Variants in ZNF521 observed in about 807,000 individuals in gnomAD.
ZNF521 encodes LYST-interacting protein 3.
Under a neutral mutation model 105.5 loss-of-function variants are expected in ZNF521, and 14 were observed. The observed-to-expected ratio is 0.13, with a 90% confidence interval of 0.09 to 0.21. The LOEUF (loss-of-function observed/expected upper bound fraction) is 0.21. Among genes scored for constraint, ZNF521 ranks in the 10% least tolerant of loss-of-function variants. The pLI, the probability that ZNF521 is intolerant of heterozygous loss-of-function variation, is 1.00. For missense variants in ZNF521, 1,233 were observed against 1,629.7 expected, an observed-to-expected ratio of 0.76 and a Z score of 4.19; for synonymous variants, 635 against 606.0, an observed-to-expected ratio of 1.05 and a Z score of -0.70.
intron 5 of ZNF521, among the ~76,000 whole-genome samples, chr18:25,141,148 G>T (rs1348821603): frequency 6.6e-6 from 1 of 152,160 alleles, no homozygotes; most frequent in Non-Finnish European, 1.5e-5. Context: ...CCAGCTGTTG[G>T]TGACCAGAAC....
At chr18:25,100,136 T>C (rs542240777) in intron 5 of ZNF521, among the ~76,000 whole-genome samples, 1 of 151,640 alleles carries the variant, frequency 6.6e-6, no homozygotes, top group South Asian at 2.1e-4. Flanking sequence ...ATAAAGCCAC[T>C]AGTTATCTGA....
At chr18:25,316,386 T>C (rs2145127199) in intron 3 of ZNF521, among the ~76,000 whole-genome samples, 1 of 94,500 alleles carries the variant, frequency 1.1e-5, no homozygotes, top group South Asian at 3.6e-4. Context: ...AAAATGTATA[T>C]ATAAAAATAC....
At chr18:25,325,780 G>A (rs527568721) in intron 2 of ZNF521, among the ~76,000 whole-genome samples, 3 of 152,244 alleles carry the variant, frequency 2.0e-5, no homozygotes, top group African/African-American at 7.2e-5. Flanking sequence ...TGGAACACAC[G>A]CACAATTATT....
chr18:25,224,823 G>A lies in ZNF521; in HGVS notation c.3095C>T (p.Thr1032Ile), dbSNP rs967446795. Residue 1032 changes from threonine (T) to isoleucine (I), a missense_variant, in exon 4 of 8, where the codon ACC (threonine) becomes ATC (isoleucine). By Grantham distance (89) the Thr-to-Ile change is moderately conservative (BLOSUM62 -1). Coordinates refer to ENST00000361524, the MANE Select transcript of ZNF521 (RefSeq NM_015461.3). ...CGTCCCATGGATTTTGAGTTCCAAG[G>A]TGGAGGTCACTGTCTGCATGCACAC... ...CVVCMQTVTS[T>I]LELKIHGTFH... 1.2e-6 allele frequency: 2 copies of A among 1,613,930 alleles called. No individual in the cohort carries two copies. Among genetic ancestry groups the A allele is most frequent in the Non-Finnish European group, 1.7e-6 (2 of 1,180,026 alleles).
At chr18:25,274,502 G>T (rs1909906632) in intron 3 of ZNF521, among the ~76,000 whole-genome samples, 2 of 152,054 alleles carry the variant, frequency 1.3e-5, no homozygotes, top group Non-Finnish European at 2.9e-5. Flanking sequence ...AGAGGTTAAT[G>T]GCATATGAAT....
chr18:25,175,792 T>C (rs919321806), intron 5 of ZNF521, among the ~76,000 whole-genome samples: 7 of 152,370 alleles, frequency 4.6e-5, no homozygotes, highest in South Asian at 4.1e-4. Context: ...TCAACGGTTT[T>C]GCTACTGTAT....
intron 2 of ZNF521, among the ~76,000 whole-genome samples, chr18:25,349,491 A>C (rs532769500): frequency 2.6e-5 from 4 of 152,296 alleles, no homozygotes; most frequent in African/African-American, 9.6e-5. Context: ...CAAGCGTTCC[A>C]ATCTGCGAGG....
chr18:25,336,053 A>G (rs4595866), intron 2 of ZNF521, among the ~76,000 whole-genome samples: 138,006 of 152,238 alleles, frequency 0.91, 62,740 homozygotes, highest in African/African-American at 0.97. Flanking sequence ...CAAGAGGAAA[A>G]CAATGTCAAT....
intron 5 of ZNF521, among the ~76,000 whole-genome samples, chr18:25,163,823 G>C (rs1231896143): frequency 6.6e-6 from 1 of 152,168 alleles, no homozygotes; most frequent in Admixed American, 6.5e-5. Flanking sequence ...GGGATGGTAG[G>C]TGTGTGTCTT....
intron 3 of ZNF521, among the ~76,000 whole-genome samples, chr18:25,248,333 G>A (rs149178266): frequency 1.3e-5 from 2 of 152,276 alleles, no homozygotes; most frequent in African/African-American, 4.8e-5. Flanking sequence ...AAGAACATCT[G>A]CAAAAATGAC....
chr18:25,152,478 CA>C (rs529986628), intron 5 of ZNF521, among the ~76,000 whole-genome samples: 2,778 of 89,358 alleles, frequency 0.031, 71 homozygotes, highest in African/African-American at 0.094. Flanking sequence ...GACTCGGTCT[CA>C]AAAAAAAAAA....
chr18:25,215,434 T>G (rs1327436351), intron 4 of ZNF521, among the ~76,000 whole-genome samples: 2 of 152,162 alleles, frequency 1.3e-5, no homozygotes, highest in Non-Finnish European at 2.9e-5. Flanking sequence ...TAGCTTTCAC[T>G]TTTCTTTCAT....
At chr18:25,076,019 C>T (rs1275190277) in intron 7 of ZNF521, among the ~76,000 whole-genome samples, 1 of 152,146 alleles carries the variant, frequency 6.6e-6, no homozygotes, top group Non-Finnish European at 1.5e-5. Flanking sequence ...ATAAAACCTC[C>T]AAGCCTCTGA....
chr18:25,290,979 CGAAATATAAA>C (rs1480097426), intron 3 of ZNF521, among the ~76,000 whole-genome samples: 2 of 152,050 alleles, frequency 1.3e-5, no homozygotes, highest in Admixed American at 6.6e-5. Context: ...TTGATTTAGA[CGAAATATAAA>C]GCTTTGTGGG....
chr18:25,141,816 C>T (rs1191352351), intron 5 of ZNF521, among the ~76,000 whole-genome samples: 1 of 151,958 alleles, frequency 6.6e-6, no homozygotes, highest in Admixed American at 6.6e-5. Context: ...CAAAATAAGC[C>T]CCAGTTTTCC....
intron 3 of ZNF521, among the ~76,000 whole-genome samples, chr18:25,259,861 G>A (rs116481372): frequency 1.4e-4 from 22 of 152,298 alleles, no homozygotes; most frequent in African/African-American, 5.1e-4. Flanking sequence ...AAAGGAAGAA[G>A]AGGAGGCAAA....
chr18:25,337,793 G>A (rs912395335), intron 2 of ZNF521, among the ~76,000 whole-genome samples: 1 of 152,016 alleles, frequency 6.6e-6, no homozygotes, highest in African/African-American at 2.4e-5. Flanking sequence ...ATACATATCA[G>A]CAAGAATGTA....
chr18:25,188,069 G>T (rs959240782), intron 5 of ZNF521, among the ~76,000 whole-genome samples: 9 of 152,052 alleles, frequency 5.9e-5, no homozygotes, highest in Non-Finnish European at 1.3e-4. Context: ...CAGAGTTGGG[G>T]TTAGAAGAAA....
In ZNF521 at chr18:25,205,141, T is replaced by TAAAAAAAAAAAAAAAA. The variant is rs34563599; in HGVS notation, c.3574-9913_3574-9898dup. ...GACTAAATTGATGCCGTAGTGAAGG[T>TAAAAAAAAAAAAAAAA]AAAAAAAAAAAAAAAAAAAAAAAAA... On this transcript the variant is annotated intron_variant, in intron 4 of 7. Transcript: ENST00000361524. Among the ~76,000 whole-genome samples, 13 of 74,912 alleles carry TAAAAAAAAAAAAAAAA rather than the reference T, an allele frequency of 1.7e-4. 2 individuals are homozygous for TAAAAAAAAAAAAAAAA. The highest frequency in any genetic ancestry group is 8.1e-4 in the African/African-American group (13 of 16,070). The allele number at this position is 74,912 out of a possible 152,430, so 49.1% of individuals were successfully genotyped here. A position where few individuals can be genotyped will look rare whatever the true frequency, so the allele number is the denominator to read the frequency against.
Sources: allele counts gnomAD v4.1 joint callset (sites outside exome capture counted in the v4.1 genomes callset), GRCh38; gene constraint gnomAD v4.1.1; transcripts MANE v1.5; gene names NCBI Gene and HGNC (gene_info 2026-07-23, HGNC 2026-07-21).